ATXN7L1: variants seen among roughly 807,000 people sequenced by gnomAD.
ATXN7L1 encodes ataxin-7-like protein 1.
A neutral mutation model predicts 70.8 loss-of-function variants in ATXN7L1; 15 were observed. That is an observed-to-expected ratio of 0.21 (90% CI 0.14 to 0.33). The LOEUF (loss-of-function observed/expected upper bound fraction) is 0.33. Ranked by LOEUF, ATXN7L1 falls within the 10% of genes least tolerant of loss-of-function variation. The pLI is 1.00. For missense variants in ATXN7L1, 975 were observed against 1,097.1 expected (o/e 0.89, Z 1.57); for synonymous variants, 440 against 445.1 (o/e 0.99, Z 0.14).
chr7:105,647,697 C>T (rs1799256965), intron 4 of ATXN7L1, among the ~76,000 whole-genome samples: 1 of 152,212 alleles, frequency 6.6e-6, no homozygotes, highest in African/African-American at 2.4e-5. Context: ...ATGCTCATAG[C>T]ACAGTCTGCA....
At chr7:105,610,667 C>T in intron 10 of ATXN7L1, 64 bp from the exon 11 acceptor site, 10 of 1,384,618 alleles carry the variant, frequency 7.2e-6, no homozygotes, top group Non-Finnish European at 9.0e-6. Flanking sequence ...CCCGCCGATG[C>T]CACATGTTCT....
chr7:105,824,303 G>T (rs1353837568), intron 2 of ATXN7L1, among the ~76,000 whole-genome samples: 1 of 152,094 alleles, frequency 6.6e-6, no homozygotes, highest in Non-Finnish European at 1.5e-5. Flanking sequence ...CGCTTGTAGT[G>T]CCTCACTCTT....
chr7:105,671,889 C>CAAAA (rs55748938), intron 3 of ATXN7L1, among the ~76,000 whole-genome samples: 4 of 56,430 alleles, frequency 7.1e-5, no homozygotes, highest in East Asian at 6.2e-4. Context: ...GACCCTGTCT[C>CAAAA]AAAAAAAAAA....
At chr7:105,612,823 G>A (rs1477837533) in intron 10 of ATXN7L1, among the ~76,000 whole-genome samples, 1 of 152,208 alleles carries the variant, frequency 6.6e-6, no homozygotes, top group Non-Finnish European at 1.5e-5. Flanking sequence ...CATAAGTGGT[G>A]ACATAAAACA....
At chr7:105,613,753 C>T (rs1165828505) in intron 10 of ATXN7L1, 109 bp downstream of exon 10, 1 of 1,529,552 alleles carries the variant, frequency 6.5e-7, no homozygotes, top group Non-Finnish European at 8.8e-7. Flanking sequence ...AAAACGAGAA[C>T]AGGAATCAAG....
intron 3 of ATXN7L1, among the ~76,000 whole-genome samples, chr7:105,761,824 T>C (rs1356701183): frequency 2.0e-5 from 3 of 152,196 alleles, no homozygotes; most frequent in Non-Finnish European, 4.4e-5. Context: ...TCTCATTTTA[T>C]AGCTCTTAAT....
intron 3 of ATXN7L1, among the ~76,000 whole-genome samples, chr7:105,672,105 G>A (rs1249692117): frequency 6.6e-6 from 1 of 151,900 alleles, no homozygotes; most frequent in Non-Finnish European, 1.5e-5. Flanking sequence ...GACCAACATG[G>A]TAAAACCCGG....
chr7:105,685,640 C>G (rs114790256), intron 3 of ATXN7L1, among the ~76,000 whole-genome samples: 465 of 152,228 alleles, frequency 3.1e-3, no homozygotes, highest in African/African-American at 0.011. Context: ...CTCCATGGTC[C>G]CCTTGTTGAG....
At chr7:105,823,688 G>A (rs955750650) in intron 2 of ATXN7L1, among the ~76,000 whole-genome samples, 5 of 152,170 alleles carry the variant, frequency 3.3e-5, no homozygotes, top group African/African-American at 1.2e-4. Flanking sequence ...TGATGGTAAA[G>A]AAGTGAAAAA....
intron 3 of ATXN7L1, among the ~76,000 whole-genome samples, chr7:105,672,230 G>A (rs1403013426): frequency 1.3e-5 from 2 of 152,094 alleles, no homozygotes; most frequent in Admixed American, 6.6e-5. Flanking sequence ...AGGCTGCAGT[G>A]AGCCGAGATC....
chr7:105,655,942 T>C (rs1431490432), intron 4 of ATXN7L1, among the ~76,000 whole-genome samples: 1 of 152,254 alleles, frequency 6.6e-6, no homozygotes, highest in Non-Finnish European at 1.5e-5. Flanking sequence ...CTCATTTTCC[T>C]CCTGGAGCAG....
chr7:105,727,746 G>GTGTGTATATATATATATATATATATA (rs1333693053), intron 3 of ATXN7L1, among the ~76,000 whole-genome samples: 4 of 55,356 alleles, frequency 7.2e-5, no homozygotes, highest in Non-Finnish European at 1.1e-4. Context: ...GTGTATGTGT[G>GTGTGTATATATATATATATATATATA]TATATATATA....
chr7:105,752,628 C>T (rs543264868), intron 3 of ATXN7L1, among the ~76,000 whole-genome samples: 4 of 152,274 alleles, frequency 2.6e-5, no homozygotes, highest in African/African-American at 4.8e-5. Flanking sequence ...TCAACTGTCA[C>T]GTGGATGTGA....
chr7:105,633,301 C>T (rs1453196188), intron 7 of ATXN7L1, among the ~76,000 whole-genome samples: 3 of 152,194 alleles, frequency 2.0e-5, no homozygotes, highest in Non-Finnish European at 4.4e-5. Context: ...CACTTGGATC[C>T]AGGAAACAGG....
intron 3 of ATXN7L1, among the ~76,000 whole-genome samples, chr7:105,775,270 T>C (rs1802567854): frequency 1.3e-5 from 2 of 152,186 alleles, no homozygotes; most frequent in African/African-American, 2.4e-5. Context: ...TTGTGAGATG[T>C]AACATTAGTT....
At chr7:105,719,143 AG>A (rs889331963) in intron 3 of ATXN7L1, among the ~76,000 whole-genome samples, 2 of 152,158 alleles carry the variant, frequency 1.3e-5, no homozygotes, top group African/African-American at 4.8e-5. Flanking sequence ...AGGTAAATGA[AG>A]GGAAGCAAAG....
At chr7:105,756,578 AG>A in intron 3 of ATXN7L1, among the ~76,000 whole-genome samples, 1 of 152,340 alleles carries the variant, frequency 6.6e-6, no homozygotes, top group East Asian at 1.9e-4. Context: ...ACCTGGATGT[AG>A]CAAAAACCTA....
rs572134126 is a variant in ATXN7L1, at chr7:105,772,907, G to A, written c.355+15697C>T. Among the ~76,000 whole-genome samples, 4 of 152,200 alleles carry A rather than the reference G, an allele frequency of 2.6e-5. No homozygotes were observed. The South Asian group carries it at 6.2e-4, about 24-fold the overall frequency. On this transcript the variant is annotated intron_variant, in intron 3 of 11. Coordinates refer to ENST00000419735, the MANE Select transcript of ATXN7L1 (RefSeq NM_020725.2). The stretch of plus-strand genomic sequence containing the variant: ...GAGATTATATACATTTTTCAATCAC[G>A]TGAGACATTTACAAAAGTGGTTCAC...
At chr7:105,852,871 T>C (rs962033525) in intron 2 of ATXN7L1, among the ~76,000 whole-genome samples, 5 of 152,116 alleles carry the variant, frequency 3.3e-5, no homozygotes, top group Non-Finnish European at 7.3e-5. Flanking sequence ...ATTTAACCTT[T>C]GAAAGGAAGG....
Sources: gnomAD v4.1 joint callset for allele counts (sites outside exome capture counted in the v4.1 genomes callset) on GRCh38, gnomAD v4.1.1 for gene constraint, MANE v1.5 for transcripts, NCBI Gene and HGNC (gene_info 2026-07-23, HGNC 2026-07-21) for gene names.